Variants in NRG1 observed in about 807,000 individuals in gnomAD.
NRG1 encodes neuregulin 1, also known as pro-neuregulin-1, membrane-bound isoform.
NRG1 carries 18 observed loss-of-function variants against 63.8 expected under a neutral mutation model. The observed-to-expected ratio is 0.28, with a 90% CI of 0.19 to 0.42. The LOEUF (loss-of-function observed/expected upper bound fraction) is 0.42. Ranked by LOEUF, NRG1 falls within the 10% of genes least tolerant of loss-of-function variation. The probability of loss-of-function intolerance (pLI) is 1.00; values close to 1 mark genes in which losing one functional copy is unlikely to be tolerated. For synonymous variants in NRG1, 302 were observed against 301.3 expected (o/e 1.00, Z -0.02); for missense variants, 762 against 814.7 (o/e 0.94, Z 0.79).
chr8:32,324,824 C>A (rs1011860720), intron 1 of NRG1, among the ~76,000 whole-genome samples: 3 of 152,156 alleles, frequency 2.0e-5, no homozygotes, highest in African/African-American at 7.2e-5. Flanking sequence ...ACTAATGTAG[C>A]AACTAAGTGT....
chr8:32,441,447 G>A (rs761626455), intron 1 of NRG1: 7 of 151,930 alleles, frequency 4.6e-5, no homozygotes, highest in Admixed American at 6.6e-5. Context: ...GTAAGACCCT[G>A]TCTCCAAAAC....
At chr8:31,786,923 A>G (rs1046487693) in intron 1 of NRG1, among the ~76,000 whole-genome samples, 2 of 152,086 alleles carry the variant, frequency 1.3e-5, no homozygotes, top group African/African-American at 2.4e-5. Flanking sequence ...GACCCTGGTA[A>G]TCAACTTAAC....
intron 1 of NRG1, among the ~76,000 whole-genome samples, chr8:31,711,566 A>G (rs1043605674): frequency 1.3e-5 from 2 of 152,096 alleles, no homozygotes; most frequent in Non-Finnish European, 2.9e-5. Context: ...GTACCTTTCA[A>G]TATGTATAGT....
intron 5 of NRG1, among the ~76,000 whole-genome samples, chr8:32,635,768 GTTC>G (rs1036541517): frequency 1.3e-5 from 2 of 152,126 alleles, no homozygotes; most frequent in Admixed American, 1.3e-4. Flanking sequence ...TGCTTAATTG[GTTC>G]TTCTTATCTC....
intron 1 of NRG1, among the ~76,000 whole-genome samples, chr8:32,538,283 A>C (rs1832229718): frequency 6.6e-6 from 1 of 152,190 alleles, no homozygotes; most frequent in Non-Finnish European, 1.5e-5. Context: ...AACTATATGT[A>C]GGGACTCTTT....
At chr8:32,082,330 T>C (rs531225451) in intron 1 of NRG1, among the ~76,000 whole-genome samples, 2 of 151,908 alleles carry the variant, frequency 1.3e-5, no homozygotes, top group South Asian at 4.2e-4. Context: ...TGTTACCCAA[T>C]AGGTATTTTT....
intron 1 of NRG1, among the ~76,000 whole-genome samples, chr8:32,186,585 A>G (rs998952303): frequency 2.6e-5 from 4 of 152,178 alleles, no homozygotes; most frequent in Non-Finnish European, 5.9e-5. Context: ...TGCTGGTGGC[A>G]CACTGGAGAT....
intron 1 of NRG1, among the ~76,000 whole-genome samples, chr8:31,679,249 A>T (rs1476070545): frequency 2.0e-5 from 3 of 152,058 alleles, no homozygotes; most frequent in Non-Finnish European, 4.4e-5. Context: ...AAACATCTAG[A>T]CACCCTACCC....
At chr8:31,784,141 T>C (rs1458452119) in intron 1 of NRG1, among the ~76,000 whole-genome samples, 3 of 152,182 alleles carry the variant, frequency 2.0e-5, no homozygotes, top group African/African-American at 7.2e-5. Flanking sequence ...AACAAATTGA[T>C]TTTTGGTGAC....
chr8:31,667,474 G>T (rs1423985358), intron 1 of NRG1, among the ~76,000 whole-genome samples: 1 of 152,320 alleles, frequency 6.6e-6, no homozygotes, highest in South Asian at 2.1e-4. Flanking sequence ...CAAGCAGCAT[G>T]TTGCATTTTG....
At chr8:31,899,912 G>A (rs770215826) in intron 1 of NRG1, among the ~76,000 whole-genome samples, 7 of 152,116 alleles carry the variant, frequency 4.6e-5, no homozygotes, top group South Asian at 2.1e-4. Flanking sequence ...ACTGGTCATC[G>A]GTTTTTCTAA....
At position 31,683,391 on chromosome 8, in the gene NRG1, G is replaced by A. The variant is rs76225171; in HGVS notation, c.37+43960G>A. 6.2e-4 allele frequency among the ~76,000 whole-genome samples: 95 copies of A among 152,230 alleles called. 1 individual carries two copies. The highest frequency in any genetic ancestry group is 1.1e-3 in the Non-Finnish European group (77 of 68,024). On this transcript the variant is annotated intron_variant, in intron 1 of 10. Transcript: ENST00000519301. Reference sequence around the variant, plus strand: ...GTGCTAAGAAGAAATGAGCCATCACGTCATGAAAAGACACAAAAGAATCTT... The same window carrying A: ...GTGCTAAGAAGAAATGAGCCATCACATCATGAAAAGACACAAAAGAATCTT...
chr8:32,483,963 C>A (rs573510964), intron 1 of NRG1, among the ~76,000 whole-genome samples: 5 of 151,852 alleles, frequency 3.3e-5, no homozygotes, highest in African/African-American at 1.2e-4. Flanking sequence ...ATTAGCCAGG[C>A]GTGGTGTCAG....
intron 1 of NRG1, among the ~76,000 whole-genome samples, chr8:32,473,166 T>A (rs1824060037): frequency 6.6e-6 from 1 of 152,232 alleles, no homozygotes; most frequent in African/African-American, 2.4e-5. Context: ...TGTACATGTG[T>A]ACAGTGGTAT....
intron 1 of NRG1, among the ~76,000 whole-genome samples, chr8:31,752,033 C>A (rs1816525989): frequency 6.6e-6 from 1 of 151,878 alleles, no homozygotes; most frequent in African/African-American, 2.4e-5. Context: ...TGGATCTGGA[C>A]TCTAGAAGAG....
At chr8:31,805,224 C>T (rs1238870610) in intron 1 of NRG1, among the ~76,000 whole-genome samples, 2 of 151,836 alleles carry the variant, frequency 1.3e-5, no homozygotes, top group East Asian at 3.9e-4. Context: ...ATGGTCTGAT[C>T]AAAGTATATA....
intron 1 of NRG1, among the ~76,000 whole-genome samples, chr8:31,994,572 T>C (rs1293625734): frequency 7.3e-6 from 1 of 136,318 alleles, no homozygotes; most frequent in Non-Finnish European, 1.5e-5. Flanking sequence ...GAGGATCTCT[T>C]GAGCCAAAGA....
Position 32,510,796 on chromosome 8 carries a change from A to G in NRG1, c.38-85032A>G, listed in dbSNP as rs555888049. Among the ~76,000 whole-genome samples, 8 of 152,226 alleles carry G rather than the reference A, an allele frequency of 5.3e-5. No individual in the cohort carries two copies. The East Asian group carries it at 9.7e-4, about 19-fold the overall frequency. ...TCCGGAAGATGGCTCCACCCTCTCT[A>G]GTCCAGGCCATACCCTGGGCCATAC... On this transcript the variant is annotated intron_variant, in intron 1 of 10. Transcript: ENST00000519301.
In NRG1 at chr8:31,703,797, A is replaced by G. The variant is rs115806305; in HGVS notation, c.37+64366A>G. 2.6e-3 allele frequency among the ~76,000 whole-genome samples: 396 copies of G among 152,332 alleles called. 1 individual carries two copies. The highest frequency in any genetic ancestry group is 9.1e-3 in the African/African-American group (378 of 41,578). ...TTGAGACATATTCAATAAATTATGCATACTCAAATATTTGTGCTCTTAGCT... is the reference window on the plus strand; with the variant it reads ...TTGAGACATATTCAATAAATTATGCGTACTCAAATATTTGTGCTCTTAGCT... On this transcript the variant is annotated intron_variant, in intron 1 of 10. Coordinates refer to the NRG1 transcript ENST00000519301.
Sources: allele counts gnomAD v4.1 joint callset (sites outside exome capture counted in the v4.1 genomes callset), GRCh38; gene constraint gnomAD v4.1.1; transcripts MANE v1.5; gene names NCBI Gene and HGNC (gene_info 2026-07-23, HGNC 2026-07-21).